Variants in MMS22L observed in about 807,000 individuals in gnomAD.
MMS22L encodes the protein MMS22 like, DNA repair protein, also known as protein MMS22-like.
A neutral mutation model predicts 159.1 loss-of-function variants in MMS22L; 74 were observed. The observed-to-expected ratio is 0.47, with a 90% CI of 0.39 to 0.56. The LOEUF (loss-of-function observed/expected upper bound fraction) is 0.56, where lower values mean the gene tolerates loss of function less well. Ranked by LOEUF, MMS22L falls within the 20% of genes least tolerant of loss-of-function variation. The pLI, the probability that MMS22L is intolerant of heterozygous loss-of-function variation, is 0.00. For missense variants in MMS22L, 1,351 were observed against 1,422.1 expected (o/e 0.95, Z 0.80); for synonymous variants, 517 against 506.9 (o/e 1.02, Z -0.27).
intron 19 of MMS22L, among the ~76,000 whole-genome samples, chr6:97,171,058 T>C (rs1053708726): frequency 2.0e-5 from 3 of 152,076 alleles, no homozygotes; most frequent in East Asian, 1.9e-4. Context: ...ATATATACTA[T>C]TGCTAGATTA....
chr6:97,222,903 T>G (rs1809802960), intron 14 of MMS22L, among the ~76,000 whole-genome samples: 1 of 152,126 alleles, frequency 6.6e-6, no homozygotes, highest in Admixed American at 6.5e-5. Flanking sequence ...AATGAAAGAC[T>G]GCCATTTTTA....
At chr6:97,263,005 T>C (rs1814662245) in intron 9 of MMS22L, among the ~76,000 whole-genome samples, 2 of 152,188 alleles carry the variant, frequency 1.3e-5, no homozygotes, top group Admixed American at 1.3e-4. Flanking sequence ...AAATCTGCCG[T>C]ATTTCCTGAC....
chr6:97,227,082 TATAAAG>T (rs1240411939), intron 14 of MMS22L, among the ~76,000 whole-genome samples: 6 of 152,072 alleles, frequency 3.9e-5, no homozygotes, highest in African/African-American at 9.6e-5. Context: ...ACACAAACAA[TATAAAG>T]ATAATTTTAA....
intron 8 of MMS22L, 78 bp downstream of exon 8, chr6:97,267,794 T>A (rs568084233): frequency 8.0e-7 from 1 of 1,247,896 alleles, no homozygotes; most frequent in African/African-American, 1.5e-5. Flanking sequence ...TAGTTTAAAT[T>A]CTTACAGATT....
intron 14 of MMS22L, among the ~76,000 whole-genome samples, chr6:97,224,803 T>C (rs1810047141): frequency 6.6e-6 from 1 of 151,864 alleles, no homozygotes; most frequent in African/African-American, 2.4e-5. Context: ...AAAGACTGTA[T>C]AAGCCATTCA....
intron 18 of MMS22L, among the ~76,000 whole-genome samples, 165 bp downstream of exon 18, chr6:97,178,278 T>C (rs1025547258): frequency 1.3e-5 from 2 of 152,132 alleles, no homozygotes; most frequent in Admixed American, 6.5e-5. Context: ...TACTATACCT[T>C]AGATTCACAT....
At chr6:97,270,169 T>C in intron 6 of MMS22L, 177 bp from the exon 7 acceptor site, 1 of 645,508 alleles carries the variant, frequency 1.5e-6, no homozygotes, top group Admixed American at 2.6e-5. Context: ...TCACTGAAGA[T>C]CTTTGAAAGC....
At chr6:97,227,237 A>G (rs1005430070) in intron 14 of MMS22L, among the ~76,000 whole-genome samples, 3 of 152,146 alleles carry the variant, frequency 2.0e-5, no homozygotes, top group African/African-American at 7.2e-5. Context: ...GGACTTATCT[A>G]TTTTCAGAAA....
chr6:97,218,223 C>G (rs1358792229), intron 14 of MMS22L, among the ~76,000 whole-genome samples: 1 of 152,116 alleles, frequency 6.6e-6, no homozygotes, highest in African/African-American at 2.4e-5. Context: ...TCTAGAGGTC[C>G]CTTCTACCCA....
chr6:97,178,995 A>G (rs1000502094), intron 17 of MMS22L, among the ~76,000 whole-genome samples: 2 of 152,134 alleles, frequency 1.3e-5, no homozygotes, highest in Admixed American at 6.5e-5. Flanking sequence ...GAAAGGCAAA[A>G]TATCTAATAT....
chr6:97,178,421 T>G, intron 18 of MMS22L, 22 bp downstream of exon 18: 3 of 1,492,238 alleles, frequency 2.0e-6, no homozygotes, highest in Non-Finnish European at 2.7e-6. Flanking sequence ...TCTGGACAAT[T>G]ATACTAATAA....
intron 7 of MMS22L, among the ~76,000 whole-genome samples, chr6:97,269,435 T>C (rs941053769): frequency 5.3e-5 from 8 of 152,122 alleles, no homozygotes; most frequent in Non-Finnish European, 1.0e-4. Flanking sequence ...GATATATTTC[T>C]ATACACAAGG....
intron 14 of MMS22L, among the ~76,000 whole-genome samples, chr6:97,196,254 C>T (rs1806489674): frequency 6.6e-6 from 1 of 151,878 alleles, no homozygotes; most frequent in Admixed American, 6.6e-5. Flanking sequence ...AAACAGGATT[C>T]AAAGAAGACT....
At chr6:97,276,476 A>C (rs1016642148) in intron 4 of MMS22L, among the ~76,000 whole-genome samples, 2 of 152,086 alleles carry the variant, frequency 1.3e-5, no homozygotes, top group African/African-American at 4.8e-5. Context: ...TTTCCACTAT[A>C]ATCTTTTAGT....
At chr6:97,191,131 C>T (rs1286017818) in intron 14 of MMS22L, among the ~76,000 whole-genome samples, 1 of 152,150 alleles carries the variant, frequency 6.6e-6, no homozygotes, top group Admixed American at 6.5e-5. Context: ...TTTGCCCCCA[C>T]CTCTCTACTC....
At chr6:97,173,282 C>T in intron 18 of MMS22L, 60 bp from the exon 19 acceptor site, 1 of 1,522,646 alleles carries the variant, frequency 6.6e-7, no homozygotes, top group South Asian at 1.2e-5. Context: ...AGATTTGGAA[C>T]ATAAAGATAA....
At chr6:97,282,689 A>G in intron 1 of MMS22L, 136 bp from the exon 2 acceptor site, 4 of 504,662 alleles carry the variant, frequency 7.9e-6, no homozygotes, top group Non-Finnish European at 1.4e-5. Context: ...CCCTCCGTCC[A>G]TCAAGGCTGT....
At chr6:97,268,191 T>C (rs1273702333) in intron 7 of MMS22L, among the ~76,000 whole-genome samples, 189 bp from the exon 8 acceptor site, 1 of 123,820 alleles carries the variant, frequency 8.1e-6, no homozygotes, top group Non-Finnish European at 1.9e-5. Flanking sequence ...CAAAAGTTTC[T>C]TTTTTTTTTT....
intron 18 of MMS22L, among the ~76,000 whole-genome samples, chr6:97,176,548 C>T (rs1464827919): frequency 6.6e-6 from 1 of 152,018 alleles, no homozygotes; most frequent in East Asian, 1.9e-4. Context: ...TTCCTTGATC[C>T]TAAACTGGTC....
Sources: gnomAD v4.1 joint callset for allele counts (sites outside exome capture counted in the v4.1 genomes callset) on GRCh38, gnomAD v4.1.1 for gene constraint, MANE v1.5 for transcripts, NCBI Gene and HGNC (gene_info 2026-07-23, HGNC 2026-07-21) for gene names.